The following SGSM1 variants were observed in gnomAD, a reference collection of about 807,000 sequenced individuals.
SGSM1 encodes small G protein signaling modulator 1, also known as RUN and TBC1 domain containing 2.
A neutral mutation model predicts 133.8 loss-of-function variants in SGSM1; 73 were observed. The observed-to-expected ratio is 0.55, with a 90% CI of 0.45 to 0.66. The LOEUF is 0.66. Among genes scored for constraint, SGSM1 ranks in the 30% least tolerant of loss-of-function variants. The pLI is 0.00. For synonymous variants in SGSM1, 563 were observed against 573.0 expected (o/e 0.98, Z 0.25); for missense variants, 1,213 against 1,448.1 (o/e 0.84, Z 2.64).
chr22:24,854,734 T>G (rs977419175), intron 5 of SGSM1, among the ~76,000 whole-genome samples: 2 of 152,246 alleles, frequency 1.3e-5, no homozygotes, highest in African/African-American at 4.8e-5. Flanking sequence ...AAGGATCACT[T>G]GAGCCCAGGA....
At chr22:24,829,346 A>G (rs1390934879) in intron 2 of SGSM1, among the ~76,000 whole-genome samples, 1 of 152,166 alleles carries the variant, frequency 6.6e-6, no homozygotes, top group Non-Finnish European at 1.5e-5. Flanking sequence ...ACGTATGGAC[A>G]CAAAGAGGGG....
chr22:24,829,581 G>A (rs1383078436), intron 2 of SGSM1, among the ~76,000 whole-genome samples: 2 of 151,972 alleles, frequency 1.3e-5, no homozygotes, highest in Admixed American at 6.6e-5. Flanking sequence ...TTAATCATTC[G>A]GTTCAAAACA....
At chr22:24,872,843 C>T (rs916063219) in intron 12 of SGSM1, among the ~76,000 whole-genome samples, 3 of 151,858 alleles carry the variant, frequency 2.0e-5, no homozygotes, top group Admixed American at 6.6e-5. Context: ...TGCTTGAACC[C>T]GGGAAGCGGA....
At chr22:24,908,663 G>C (rs1322236467) in intron 21 of SGSM1, among the ~76,000 whole-genome samples, 1 of 151,894 alleles carries the variant, frequency 6.6e-6, no homozygotes, top group African/African-American at 2.4e-5. Context: ...TTAGCTGGGC[G>C]TGGTGGCGGG....
chr22:24,822,547 T>G (rs1954874197), intron 2 of SGSM1, among the ~76,000 whole-genome samples: 1 of 152,248 alleles, frequency 6.6e-6, no homozygotes, highest in African/African-American at 2.4e-5. Context: ...ATAGGACATT[T>G]CTTTTTATCA....
At position 24,925,071 on chromosome 22, in the gene SGSM1, C is replaced by G. The variant is rs1353646149; in HGVS notation, c.*797C>G. The G allele has an allele frequency of 6.6e-6, 1 of 152,320 alleles. No homozygotes were observed. Among genetic ancestry groups the G allele is most frequent in the African/African-American group, 2.4e-5 (1 of 41,426 alleles). 9.4% of individuals were successfully genotyped at this position (152,320 alleles called of 1,614,324 possible). A position where few individuals can be genotyped will look rare whatever the true frequency, so the allele number is the denominator to read the frequency against. On this transcript the variant is annotated 3_prime_UTR_variant, in exon 25 of 25. Coordinates refer to ENST00000400358, the MANE Select transcript of SGSM1 (RefSeq NM_001098497.3). ...CCTCCCCTCACTTAGAAAAGGCATA[C>G]AGGAGGCCGGGCATGGTGGCTCACA...
intron 2 of SGSM1, among the ~76,000 whole-genome samples, chr22:24,811,952 T>C (rs1927767080): frequency 6.6e-6 from 1 of 151,618 alleles, no homozygotes; most frequent in Non-Finnish European, 1.5e-5. Flanking sequence ...GTGGATCACT[T>C]GAGGTCAGGA....
chr22:24,909,171 T>A (rs1209619724), intron 21 of SGSM1, among the ~76,000 whole-genome samples: 2 of 152,068 alleles, frequency 1.3e-5, no homozygotes, highest in East Asian at 1.9e-4. Flanking sequence ...AACAGTTTCA[T>A]CCAGAAACCA....
chr22:24,888,891 C>T (rs1932751668), intron 16 of SGSM1, among the ~76,000 whole-genome samples: 1 of 144,688 alleles, frequency 6.9e-6, no homozygotes, highest in African/African-American at 2.6e-5. Context: ...ACCACTCTGT[C>T]TTGATTATTG....
chr22:24,856,160 A>C, intron 8 of SGSM1: 1 of 342,760 alleles, frequency 2.9e-6, no homozygotes, highest in Non-Finnish European at 5.8e-6. Context: ...TGATTCAGCA[A>C]ACATTTCCAT....
intron 2 of SGSM1, among the ~76,000 whole-genome samples, chr22:24,808,429 A>G (rs1927544447): frequency 6.6e-6 from 1 of 152,146 alleles, no homozygotes; most frequent in Admixed American, 6.5e-5. Context: ...CCTCTTTTCA[A>G]TAGAACTCAC....
intron 16 of SGSM1, among the ~76,000 whole-genome samples, chr22:24,890,875 G>A (rs567473043): frequency 1.3e-5 from 2 of 152,168 alleles, no homozygotes; most frequent in South Asian, 2.1e-4. Context: ...CTCTATATTC[G>A]TGTATCACTT....
chr22:24,870,867 T>G (rs1231869536), intron 12 of SGSM1, among the ~76,000 whole-genome samples: 1 of 152,182 alleles, frequency 6.6e-6, no homozygotes, highest in Non-Finnish European at 1.5e-5. Context: ...CATGGGAGAT[T>G]AAGCACAGTT....
intron 14 of SGSM1, among the ~76,000 whole-genome samples, chr22:24,880,637 G>T (rs1932267187): frequency 6.6e-6 from 1 of 152,222 alleles, no homozygotes; most frequent in Non-Finnish European, 1.5e-5. Flanking sequence ...TATCTGTTCT[G>T]TTGCCACCCA....
intron 16 of SGSM1, among the ~76,000 whole-genome samples, chr22:24,892,682 ATTGAGT>A (rs745504510): frequency 6.6e-6 from 1 of 152,012 alleles, no homozygotes; most frequent in Non-Finnish European, 1.5e-5. Flanking sequence ...TACTTATCAA[ATTGAGT>A]GAGTGAATGA....
chr22:24,814,479 C>T (rs539064469), intron 2 of SGSM1, among the ~76,000 whole-genome samples: 1 of 152,102 alleles, frequency 6.6e-6, no homozygotes, highest in Admixed American at 6.5e-5. Flanking sequence ...CAATCCTCCT[C>T]TGTATCACTC....
At chr22:24,889,676 G>A (rs1469192937) in intron 16 of SGSM1, among the ~76,000 whole-genome samples, 2 of 147,398 alleles carry the variant, frequency 1.4e-5, no homozygotes, top group African/African-American at 2.5e-5. Flanking sequence ...TTGAGATAGA[G>A]TCTTGCTGTG....
chr22:24,912,329 A>C (rs1157590095), intron 21 of SGSM1, among the ~76,000 whole-genome samples: 1 of 152,228 alleles, frequency 6.6e-6, no homozygotes, highest in Non-Finnish European at 1.5e-5. Context: ...TGTGGGGTGC[A>C]TGAGAAGTCT....
intron 2 of SGSM1, among the ~76,000 whole-genome samples, chr22:24,835,895 T>C (rs556400190): frequency 2.7e-4 from 41 of 152,202 alleles, no homozygotes; most frequent in Non-Finnish European, 5.4e-4. Context: ...ATAGAACTTT[T>C]CTTTAACTGA....
Sources: allele counts gnomAD v4.1 joint callset (sites outside exome capture counted in the v4.1 genomes callset), GRCh38; gene constraint gnomAD v4.1.1; transcripts MANE v1.5; gene names NCBI Gene and HGNC (gene_info 2026-07-23, HGNC 2026-07-21).